The following PKIG variants were observed in gnomAD, a reference collection of about 807,000 sequenced individuals.
The protein encoded by PKIG is protein kinase (cAMP-dependent, catalytic) inhibitor gamma.
Under a neutral mutation model 6.8 loss-of-function variants are expected in PKIG, and 1 was observed. The observed-to-expected ratio is 0.15, with a 90% CI of 0.05 to 0.69. The LOEUF (loss-of-function observed/expected upper bound fraction) is 0.69, where lower values mean the gene tolerates loss of function less well. PKIG is among the 30% of genes least tolerant of loss of function. The pLI is 0.82. For missense variants in PKIG, 77 were observed against 104.0 expected (o/e 0.74, Z 1.13); for synonymous variants, 39 against 43.0 (o/e 0.91, Z 0.36).
At chr20:44,558,590 C>CTTTCT (rs1555835152) in intron 1 of PKIG, among the ~76,000 whole-genome samples, 5 of 148,916 alleles carry the variant, frequency 3.4e-5, no homozygotes, top group African/African-American at 1.3e-4. Flanking sequence ...TTCTTTCTTT[C>CTTTCT]TTTCTTTCTT....
Position 44,542,580 on chromosome 20 carries a change from T to A in PKIG, c.-241+10602T>A, listed in dbSNP as rs180958305. Among the ~76,000 whole-genome samples, 714 of 152,208 alleles carry A rather than the reference T, an allele frequency of 4.7e-3. 4 individuals carry two copies. The highest frequency in any genetic ancestry group is 0.016 in the African/African-American group (657 of 41,554). On this transcript the variant is annotated intron_variant, in intron 1 of 4. Transcript: ENST00000372887. ...TAAATATAGTGGCCATATTTTTTTT[T>A]AATTTCTTTTATAATATTTTTTTCG...
chr20:44,601,842 T>C (rs888863348), intron 2 of PKIG, among the ~76,000 whole-genome samples: 2 of 152,254 alleles, frequency 1.3e-5, no homozygotes, highest in Admixed American at 1.3e-4. Context: ...TGTAATGGAA[T>C]CTGCCTGAGC....
At chr20:44,616,667 G>A (rs2065267537) in intron 3 of PKIG, among the ~76,000 whole-genome samples, 1 of 152,178 alleles carries the variant, frequency 6.6e-6, no homozygotes, top group South Asian at 2.1e-4. Context: ...AAAGAACAGT[G>A]CTCACTGAAG....
rs1767449371 is a variant in PKIG, at chr20:44,618,288, G to A, written c.155G>A (p.Gly52Glu). The A allele has an allele frequency of 6.2e-7, 1 of 1,608,894 alleles. No individual in the cohort carries two copies. Among genetic ancestry groups the A allele is most frequent in the Non-Finnish European group, 8.5e-7 (1 of 1,175,328 alleles). The change falls in exon 4 of 4, where the codon GGA becomes GAA. Residue 52 changes from glycine to glutamate, a missense_variant. Physicochemically the swap from Gly to Glu is moderately conservative, Grantham distance 98 (BLOSUM62 -2). Transcript: ENST00000372886. ...MGELALEGAE[G>E]QVEGSAPDKE... The stretch of plus-strand genomic sequence containing the variant: ...AACCTCTTTCTCTCCTCTCCAGAAG[G>A]ACAGGTGGAGGGAAGCGCCCCAGAC...
At chr20:44,538,357 G>A (rs906515533) in intron 1 of PKIG, among the ~76,000 whole-genome samples, 4 of 152,302 alleles carry the variant, frequency 2.6e-5, no homozygotes, top group African/African-American at 9.6e-5. Context: ...AAGATCAGAG[G>A]ATGTGACAGA....
intron 2 of PKIG, among the ~76,000 whole-genome samples, chr20:44,608,259 A>T (rs766640926): frequency 2.0e-5 from 3 of 152,254 alleles, no homozygotes; most frequent in Non-Finnish European, 2.9e-5. Context: ...AACAGATTTT[A>T]AAATTACTTA....
At chr20:44,584,911 A>G (rs2064977624) in intron 1 of PKIG, among the ~76,000 whole-genome samples, 1 of 151,934 alleles carries the variant, frequency 6.6e-6, no homozygotes, top group Admixed American at 6.6e-5. Flanking sequence ...TTTAGTAGAG[A>G]TGGGGTCTCT....
chr20:44,557,656 TAAA>T (rs3092366), intron 1 of PKIG, among the ~76,000 whole-genome samples: 3 of 124,644 alleles, frequency 2.4e-5, no homozygotes, highest in Admixed American at 8.4e-5. Flanking sequence ...CTGTCTCTAC[TAAA>T]AAAAAAAAAA....
At chr20:44,572,194 C>T (rs2064859699) in intron 1 of PKIG, among the ~76,000 whole-genome samples, 1 of 152,142 alleles carries the variant, frequency 6.6e-6, no homozygotes, top group Admixed American at 6.5e-5. Context: ...TTAGTAGACA[C>T]AGGGTTTCAC....
At chr20:44,533,801 C>G (rs371640428) in intron 1 of PKIG, among the ~76,000 whole-genome samples, 3 of 152,266 alleles carry the variant, frequency 2.0e-5, no homozygotes, top group Non-Finnish European at 2.9e-5. Context: ...GGAGAGAAAC[C>G]AGCAAAGTAT....
intron 1 of PKIG, among the ~76,000 whole-genome samples, chr20:44,541,718 G>A (rs533492128): frequency 2.0e-4 from 30 of 149,712 alleles, no homozygotes; most frequent in South Asian, 1.5e-3. Flanking sequence ...TTTGAGACGG[G>A]GTTTTGCTCT....
chr20:44,558,502 T>C (rs1016569139), intron 1 of PKIG, among the ~76,000 whole-genome samples: 2 of 152,184 alleles, frequency 1.3e-5, no homozygotes, highest in African/African-American at 4.8e-5. Context: ...TTTTGGACTA[T>C]TCCCTTCTAT....
In PKIG at chr20:44,585,533, C is replaced by A. The variant is rs145460851; in HGVS notation, c.-94+2802C>A. ...GGCACAGAGAGGTGCAGTGGATTGC[C>A]CAGAGTCTCACAGCTGGCAGGGGCT... On this transcript the variant is annotated intron_variant, in intron 1 of 3. Coordinates refer to ENST00000372886, the MANE Select transcript of PKIG (RefSeq NM_001281445.2). Among the ~76,000 whole-genome samples the A allele has an allele frequency of 2.6e-3, 401 of 152,296 alleles. 4 individuals are homozygous for A. Among genetic ancestry groups the A allele is most frequent in the South Asian group, 0.021 (99 of 4,812 alleles).
chr20:44,570,245 C>T (rs2064843425), intron 1 of PKIG, among the ~76,000 whole-genome samples: 1 of 152,154 alleles, frequency 6.6e-6, no homozygotes, highest in South Asian at 2.1e-4. Context: ...TTTACCAAAA[C>T]GTAAACTTGA....
intron 1 of PKIG, among the ~76,000 whole-genome samples, chr20:44,589,518 T>C (rs534101626): frequency 6.6e-6 from 1 of 152,322 alleles, no homozygotes; most frequent in Non-Finnish European, 1.5e-5. Context: ...ATAATTTAAC[T>C]ATTTTTCTAT....
chr20:44,586,488 A>C (rs936646544), intron 1 of PKIG, among the ~76,000 whole-genome samples: 1 of 152,196 alleles, frequency 6.6e-6, no homozygotes, highest in Non-Finnish European at 1.5e-5. Context: ...CTGAACCTCA[A>C]ATCAGCCAGC....
intron 3 of PKIG, among the ~76,000 whole-genome samples, chr20:44,617,641 A>G (rs1166684835): frequency 2.6e-5 from 4 of 152,040 alleles, no homozygotes. Flanking sequence ...TGGATTTGAG[A>G]AGGAGGTACA....
Position 44,571,133 on chromosome 20 carries a change from C to T in PKIG, c.-240-11452C>T, listed in dbSNP as rs189032437. On this transcript the variant is annotated intron_variant, in intron 1 of 4. Coordinates refer to the PKIG transcript ENST00000372887. ...CCTGTAATCCCAGCTACTTGGGAGG[C>T]TGAGGCAGGAGAATTGCTTAAACCC... Among the ~76,000 whole-genome samples, 3 of 152,078 alleles carry T rather than the reference C, an allele frequency of 2.0e-5. No individual in the cohort carries two copies. The East Asian group carries it at 5.8e-4, about 29-fold the overall frequency.
intron 2 of PKIG, among the ~76,000 whole-genome samples, chr20:44,606,866 T>C (rs1248619063): frequency 6.6e-6 from 1 of 152,192 alleles, no homozygotes; most frequent in Non-Finnish European, 1.5e-5. Flanking sequence ...TTTCTGCCAT[T>C]TGCTCTGTGA....
Sources: allele counts gnomAD v4.1 joint callset (sites outside exome capture counted in the v4.1 genomes callset), GRCh38; gene constraint gnomAD v4.1.1; transcripts MANE v1.5; gene names NCBI Gene and HGNC (gene_info 2026-07-23, HGNC 2026-07-21).